TRIM63: variants seen among roughly 807,000 people sequenced by gnomAD.
TRIM63 encodes E3 ubiquitin-protein ligase TRIM63.
A neutral mutation model predicts 46.0 loss-of-function variants in TRIM63; 48 were observed. The ratio of observed to expected loss-of-function variants is 1.04; its 90% CI spans 0.83 to 1.33. The LOEUF is 1.33. Among genes scored for constraint, TRIM63 ranks in the 40% most tolerant of loss-of-function variants. TRIM63 has a pLI of 0.00. For missense variants in TRIM63, 455 were observed against 441.2 expected (o/e 1.03, Z -0.28); for synonymous variants, 175 against 162.8 (o/e 1.08, Z -0.57).
intron 2 of TRIM63, 80 bp from the exon 3 acceptor site, chr1:26,061,414 G>T (rs760809032): frequency 6.0e-6 from 9 of 1,488,848 alleles, no homozygotes; most frequent in Admixed American, 1.8e-5. Context: ...ACCAGTCGCA[G>T]CTACTGGGGA....
At chr1:26,059,504 C>G (rs1410312130) in intron 4 of TRIM63, among the ~76,000 whole-genome samples, 1 of 152,134 alleles carries the variant, frequency 6.6e-6, no homozygotes, top group African/African-American at 2.4e-5. Flanking sequence ...TTTCCTAGCA[C>G]CCTCCTCAAC....
chr1:26,058,427 T>A lies in TRIM63; in HGVS notation c.794A>T (p.Gln265Leu). 6.2e-7 allele frequency: 1 copy of A among 1,614,186 alleles called. No individual in the cohort carries two copies. Reference sequence around the variant, plus strand: ...GGCTCCCCCAGGCTCGTCCAGGGACTGGATGGCAGTTTCCACCAGCTTTGT... The same window carrying A: ...GGCTCCCCCAGGCTCGTCCAGGGACAGGATGGCAGTTTCCACCAGCTTTGT... ...KSTKLVETAI[Q>L]SLDEPGGATF... Residue 265 changes from glutamine (Q) to leucine (L), a missense_variant, in exon 5 of 9, where the codon CAG (glutamine) becomes CTG (leucine). By Grantham distance (113) the Gln-to-Leu change is moderately radical (BLOSUM62 -2). Transcript: ENST00000374272.
chr1:26,058,926 C>T (rs2050597721), intron 4 of TRIM63, among the ~76,000 whole-genome samples: 1 of 152,098 alleles, frequency 6.6e-6, no homozygotes, highest in African/African-American at 2.4e-5. Flanking sequence ...TGCACCCTCC[C>T]CCTGTCCCCC....
At position 26,058,388 on chromosome 1, in the gene TRIM63, A is replaced by T. The variant is rs780549059; in HGVS notation, c.831+2T>A. The T allele has an allele frequency of 6.2e-7, 1 of 1,613,514 alleles. No individual in the cohort carries two copies. The highest frequency in any genetic ancestry group is 1.1e-5 in the South Asian group (1 of 91,060). ...CACCCAGACCCTTCTAGTCCTGCTCACCAAGAGGAAGGTGGCTCCCCCAGG... is the reference window on the plus strand; with the variant it reads ...CACCCAGACCCTTCTAGTCCTGCTCTCCAAGAGGAAGGTGGCTCCCCCAGG... On this transcript the variant is annotated splice_donor_variant, in intron 5 of 8. Transcript: ENST00000374272. LOFTEE classifies it high-confidence loss of function.
At chr1:26,061,032 C>T in intron 3 of TRIM63, 134 bp downstream of exon 3, 2 of 1,031,968 alleles carry the variant, frequency 1.9e-6, no homozygotes, top group Non-Finnish European at 2.8e-6. Flanking sequence ...TCCCTGTGGC[C>T]TGGGAAGTCC....
Position 26,066,310 on chromosome 1 carries a change from A to T in TRIM63, c.290T>A (p.Leu97Gln). The T allele has an allele frequency of 8.1e-6, 13 of 1,614,138 alleles. No individual in the cohort carries two copies. The highest frequency in any genetic ancestry group is 3.4e-6 in the Non-Finnish European group (4 of 1,180,020). ...HGVYGLQRNL[L>Q]VENIIDIYKQ... ...GTAGATGTCGATGATGTTCTCCACCAGCAGGTTCCTCTGCAGGCCGTACAC... is the reference window on the plus strand; with the variant it reads ...GTAGATGTCGATGATGTTCTCCACCTGCAGGTTCCTCTGCAGGCCGTACAC... Residue 97 changes from leucine (L) to glutamine (Q), a missense_variant, in exon 2 of 9, where the codon CTG becomes CAG. Coordinates refer to ENST00000374272, the MANE Select transcript of TRIM63 (RefSeq NM_032588.4).
Position 26,066,275 on chromosome 1 carries a change from A to AGG in TRIM63, c.324_325insCC (p.Cys109ProfsTer63). On this transcript the variant is annotated frameshift_variant, in exon 2 of 9. Coordinates refer to ENST00000374272, the MANE Select transcript of TRIM63 (RefSeq NM_032588.4). LOFTEE classifies it high-confidence loss of function. ...GCAGGCACGAGAACCGACCTGGAGC[A>AGG]CTCCTGTTTGTAGATGTCGATGATG... 8.1e-6 allele frequency: 13 copies of AGG among 1,613,576 alleles called. No homozygotes were observed. Among genetic ancestry groups the AGG allele is most frequent in the Non-Finnish European group, 3.4e-6 (4 of 1,179,902 alleles).
In TRIM63 at chr1:26,053,973, A is replaced by G; in HGVS notation, c.980-9T>C. The G allele has an allele frequency of 1.3e-6, 2 of 1,576,602 alleles. No individual in the cohort carries two copies. The highest frequency in any genetic ancestry group is 1.7e-6 in the Non-Finnish European group (2 of 1,166,874). On this transcript the variant is annotated splice_polypyrimidine_tract_variant and intron_variant, in intron 7 of 8. Transcript: ENST00000374272. ...TTCTTCCTCTTCCTCATCTGTGACAAAAAAACATTTGTGTTAGGATGGGGC... is the reference window on the plus strand; with the variant it reads ...TTCTTCCTCTTCCTCATCTGTGACAGAAAAACATTTGTGTTAGGATGGGGC...
At chr1:26,062,560 G>T in intron 2 of TRIM63, among the ~76,000 whole-genome samples, 1 of 152,274 alleles carries the variant, frequency 6.6e-6, no homozygotes, top group Middle Eastern at 3.4e-3. Context: ...CTGGTGAGTG[G>T]GTAGCCCAGG....
Position 26,067,336 on chromosome 1 carries a change from C to T in TRIM63, c.159G>A (p.Gln53=). 6.2e-7 allele frequency: 1 copy of T among 1,613,868 alleles called. No homozygotes were observed. The highest frequency in any genetic ancestry group is 8.5e-7 in the Non-Finnish European group (1 of 1,180,012). ...AAATGAAGCTGCACCCGGCACTTACCTGGAAGATGTCATTGGCACACTTCC... is the reference window on the plus strand; with the variant it reads ...AAATGAAGCTGCACCCGGCACTTACTTGGAAGATGTCATTGGCACACTTCC... ...LCRKCANDIF[Q]AANPYWTSRG... is the part of the protein sequence containing the mutation. Residue 53 remains glutamine (Q), a splice_region_variant and synonymous_variant, in exon 1 of 9, where the codon CAG becomes CAA. Transcript: ENST00000374272.
At chr1:26,052,677 G>A (rs2050533125) in intron 8 of TRIM63, among the ~76,000 whole-genome samples, 1 of 152,090 alleles carries the variant, frequency 6.6e-6, no homozygotes. Flanking sequence ...ATGTTGGCCA[G>A]GATGGTGTCA....
chr1:26,065,970 C>A (rs2050673267), intron 2 of TRIM63, among the ~76,000 whole-genome samples: 1 of 152,200 alleles, frequency 6.6e-6, no homozygotes, highest in Admixed American at 6.5e-5. Flanking sequence ...CTGACCAGAG[C>A]CACTTAGCTG....
rs148561702 is a variant in TRIM63 at position 26,066,416 on chromosome 1, G to A, written c.184C>T (p.Arg62Trp). ...FQAANPYWTS[R>W]GSSVSMSGGR... ...CCAGACATGGACACTGAGCTGCCCC[G>A]GCTGGTCCAGTAGGGATTTGCAGCC... Residue 62 changes from arginine to tryptophan, a missense_variant, in exon 2 of 9, where the codon CGG becomes TGG. Transcript: ENST00000374272. The A allele has an allele frequency of 6.9e-5, 110 of 1,602,676 alleles. No homozygotes were observed. Among genetic ancestry groups the A allele is most frequent in the Middle Eastern group, 1.7e-4 (1 of 6,040 alleles).
chr1:26,063,261 C>T (rs147190751), intron 2 of TRIM63, among the ~76,000 whole-genome samples: 34 of 146,352 alleles, frequency 2.3e-4, no homozygotes, highest in Middle Eastern at 7.1e-3. Flanking sequence ...CTTCTGTCTC[C>T]GGCTAGACTA....
chr1:26,062,426 C>G (rs1378827459), intron 2 of TRIM63, among the ~76,000 whole-genome samples: 1 of 152,204 alleles, frequency 6.6e-6, no homozygotes, highest in African/African-American at 2.4e-5. Context: ...TACCCTCTCT[C>G]TTTCTCTTAG....
At chr1:26,055,551 C>T (rs1264158728) in intron 7 of TRIM63, among the ~76,000 whole-genome samples, 3 of 150,128 alleles carry the variant, frequency 2.0e-5, no homozygotes, top group African/African-American at 7.4e-5. Flanking sequence ...ACTCCTGTTG[C>T]CCAGGCTGGA....
Position 26,057,320 on chromosome 1 carries a change from C to T in TRIM63, c.862G>A (p.Glu288Lys). 6.2e-7 allele frequency: 1 copy of T among 1,614,060 alleles called. No individual in the cohort carries two copies. The highest frequency in any genetic ancestry group is 8.5e-7 in the Non-Finnish European group (1 of 1,180,002). ...CCCAGCTGGCAGCCCTTGGAAGCTT[C>T]CACAATGCTGCAGGGGAGACAGAAA... ...TAKQLIKSIV[E>K]ASKGCQLGKT... The change falls in exon 7 of 9, where the codon GAA (glutamate) becomes AAA (lysine). Residue 288 changes from glutamate to lysine, a missense_variant. Transcript: ENST00000374272.
At chr1:26,055,625 T>C (rs1169412508) in intron 7 of TRIM63, among the ~76,000 whole-genome samples, 7 of 151,974 alleles carry the variant, frequency 4.6e-5, no homozygotes, top group African/African-American at 1.7e-4. Context: ...ATTCTGCTGC[T>C]TCAGCCTCCC....
intron 7 of TRIM63, 115 bp downstream of exon 7, chr1:26,057,088 G>T: frequency 7.4e-7 from 1 of 1,352,594 alleles, no homozygotes; most frequent in Non-Finnish European, 1.0e-6. Flanking sequence ...GAGTTTGATT[G>T]ATATTTGGGG....
Sources: gnomAD v4.1 joint callset for allele counts (sites outside exome capture counted in the v4.1 genomes callset) on GRCh38, gnomAD v4.1.1 for gene constraint, MANE v1.5 for transcripts, NCBI Gene and HGNC (gene_info 2026-07-23, HGNC 2026-07-21) for gene names.